Variants in INPP4B observed in about 807,000 individuals in gnomAD.
The protein encoded by INPP4B is inositol polyphosphate 4-phosphatase type II.
Under a neutral mutation model 122.5 loss-of-function variants are expected in INPP4B, and 55 were observed. The observed-to-expected ratio is 0.45, with a 90% CI of 0.36 to 0.56. INPP4B has a LOEUF of 0.56. INPP4B is among the 20% of genes least tolerant of loss of function. The pLI is 0.00. For missense variants in INPP4B, 1,000 were observed against 1,097.7 expected (o/e 0.91, Z 1.26); for synonymous variants, 403 against 388.7 (o/e 1.04, Z -0.43).
At chr4:142,182,145 G>T (rs1373456632) in intron 15 of INPP4B, among the ~76,000 whole-genome samples, 3 of 152,126 alleles carry the variant, frequency 2.0e-5, no homozygotes, top group Admixed American at 6.5e-5. Context: ...TCTAGCTCTG[G>T]TTCTGTCATT....
chr4:142,206,606 T>C (rs886168167), intron 14 of INPP4B, among the ~76,000 whole-genome samples: 3 of 152,026 alleles, frequency 2.0e-5, no homozygotes, highest in African/African-American at 7.2e-5. Context: ...AGATCTCACT[T>C]TCACATTTTA....
chr4:142,821,315 AT>A (rs1410862271), intron 1 of INPP4B, among the ~76,000 whole-genome samples: 1 of 152,056 alleles, frequency 6.6e-6, no homozygotes, highest in Non-Finnish European at 1.5e-5. Context: ...TTAGATTTAT[AT>A]TTTAGTTAGT....
intron 7 of INPP4B, among the ~76,000 whole-genome samples, chr4:142,364,759 A>T (rs1333123767): frequency 6.6e-6 from 1 of 152,046 alleles, no homozygotes; most frequent in Non-Finnish European, 1.5e-5. Context: ...GAGACTGCAG[A>T]AGGAAAGTCC....
chr4:142,482,613 G>T (rs539014564), intron 2 of INPP4B, among the ~76,000 whole-genome samples: 3 of 152,128 alleles, frequency 2.0e-5, no homozygotes, highest in Non-Finnish European at 4.4e-5. Context: ...TTTTCTCTAA[G>T]AGACACTGAT....
At chr4:142,719,757 GCAAA>G (rs1764266987) in intron 2 of INPP4B, among the ~76,000 whole-genome samples, 2 of 152,038 alleles carry the variant, frequency 1.3e-5, no homozygotes, top group African/African-American at 4.8e-5. Flanking sequence ...CAACTCATGA[GCAAA>G]CATTCATAAT....
At chr4:142,200,092 T>C (rs113910737) in intron 14 of INPP4B, among the ~76,000 whole-genome samples, 4,505 of 152,082 alleles carry the variant, frequency 0.03, 210 homozygotes, top group African/African-American at 0.1. Context: ...TGGTTAACTC[T>C]TCTCCTCCAT....
chr4:142,754,473 T>C (rs1457828466), intron 1 of INPP4B, among the ~76,000 whole-genome samples: 1 of 152,004 alleles, frequency 6.6e-6, no homozygotes, highest in Non-Finnish European at 1.5e-5. Context: ...CAATATTCAC[T>C]ATCATGTTGT....
chr4:142,550,620 AT>A (rs35788366), intron 2 of INPP4B, among the ~76,000 whole-genome samples: 18,083 of 92,262 alleles, frequency 0.2, 1,304 homozygotes, highest in African/African-American at 0.25. Context: ...ATATATATAT[AT>A]TTTTTTTTTT....
rs558152132 is a variant in INPP4B at position 142,611,550 on chromosome 4, TA to T, written c.-191+114288del. On this transcript the variant is annotated intron_variant, in intron 2 of 25. Transcript: ENST00000262992. Reference sequence around the variant, plus strand: ...CATATATCTTTTATTTTTTCGTTTGTAAAAAAAAAAATTATTTGTGTGCAAA... The same window carrying T: ...CATATATCTTTTATTTTTTCGTTTGTAAAAAAAAAATTATTTGTGTGCAAA... Among the ~76,000 whole-genome samples, 753 of 146,328 alleles carry T rather than the reference TA, an allele frequency of 5.1e-3. 4 individuals are homozygous for T. The highest frequency in any genetic ancestry group is 6.9e-3 in the African/African-American group (277 of 40,144).
chr4:142,510,445 T>G (rs1031518612), intron 2 of INPP4B, among the ~76,000 whole-genome samples: 2 of 152,190 alleles, frequency 1.3e-5, no homozygotes, highest in Admixed American at 6.5e-5. Context: ...AGAACAAACA[T>G]AAATTTAATT....
At chr4:142,629,370 T>A (rs1747387909) in intron 2 of INPP4B, among the ~76,000 whole-genome samples, 1 of 152,120 alleles carries the variant, frequency 6.6e-6, no homozygotes, top group Non-Finnish European at 1.5e-5. Flanking sequence ...TTGGAGTTGA[T>A]CATAGTTTGG....
chr4:142,409,848 C>T (rs1435757018), intron 5 of INPP4B, among the ~76,000 whole-genome samples: 2 of 152,202 alleles, frequency 1.3e-5, no homozygotes, highest in Non-Finnish European at 2.9e-5. Context: ...TTGACGCTTA[C>T]AGCTACTACC....
intron 2 of INPP4B, among the ~76,000 whole-genome samples, chr4:142,711,873 C>T (rs1041162144): frequency 1.3e-5 from 2 of 152,074 alleles, no homozygotes; most frequent in Admixed American, 6.5e-5. Context: ...AATGGCAAAA[C>T]CCTGTCTCTA....
At chr4:142,332,871 C>T (rs1218556836) in intron 7 of INPP4B, among the ~76,000 whole-genome samples, 1 of 149,986 alleles carries the variant, frequency 6.7e-6, no homozygotes, top group Non-Finnish European at 1.5e-5. Context: ...AAAGGCCAGG[C>T]GTGGTGGCGG....
chr4:142,431,837 A>T (rs113042839), intron 3 of INPP4B, among the ~76,000 whole-genome samples: 5 of 152,088 alleles, frequency 3.3e-5, no homozygotes, highest in Non-Finnish European at 7.4e-5. Flanking sequence ...TGACCACATA[A>T]AAAATAATTT....
At chr4:142,720,768 T>TATATA (rs1560996471) in intron 2 of INPP4B, among the ~76,000 whole-genome samples, 19 of 10,974 alleles carry the variant, frequency 1.7e-3, no homozygotes, top group African/African-American at 4.2e-3. Context: ...ATAATCTCTC[T>TATATA]CTCTCTCTCT....
intron 9 of INPP4B, among the ~76,000 whole-genome samples, chr4:142,274,245 C>A (rs181495440): frequency 9.3e-4 from 141 of 151,928 alleles, no homozygotes; most frequent in Non-Finnish European, 1.8e-3. Context: ...TGCTAGGAAT[C>A]AAGAAATCCA....
chr4:142,272,415 A>G (rs920131975), intron 9 of INPP4B, among the ~76,000 whole-genome samples: 1 of 152,080 alleles, frequency 6.6e-6, no homozygotes, highest in Admixed American at 6.6e-5. Context: ...TAAAAAAATT[A>G]AAAATAAAAG....
intron 3 of INPP4B, among the ~76,000 whole-genome samples, chr4:142,456,003 G>T (rs1222989731): frequency 1.3e-5 from 2 of 150,770 alleles, no homozygotes; most frequent in Non-Finnish European, 2.9e-5. Flanking sequence ...AGGATTATTA[G>T]ATTTTTTTTC....
Sources: gnomAD v4.1 joint callset for allele counts (sites outside exome capture counted in the v4.1 genomes callset) on GRCh38, gnomAD v4.1.1 for gene constraint, MANE v1.5 for transcripts, NCBI Gene and HGNC (gene_info 2026-07-23, HGNC 2026-07-21) for gene names.